Variants in KSR1 observed in about 807,000 individuals in gnomAD.
KSR1 encodes the protein kinase suppressor of ras.
Under a neutral mutation model 92.9 loss-of-function variants are expected in KSR1, and 35 were observed. The observed-to-expected ratio is 0.38, with a 90% CI of 0.29 to 0.50. KSR1 has a LOEUF of 0.50. Ranked by LOEUF, KSR1 falls within the 20% of genes least tolerant of loss-of-function variation. The pLI is 0.94. For missense variants in KSR1, 972 were observed against 1,158.5 expected (o/e 0.84, Z 2.34); for synonymous variants, 467 against 472.6 (o/e 0.99, Z 0.15).
At chr17:27,458,108 A>T (rs2019265982) in intron 1 of KSR1, among the ~76,000 whole-genome samples, 2 of 152,234 alleles carry the variant, frequency 1.3e-5, no homozygotes, top group East Asian at 3.8e-4. Context: ...GGAAGAATAC[A>T]GTCAGTGCTG....
chr17:27,515,636 T>C (rs1055430735), intron 1 of KSR1, among the ~76,000 whole-genome samples: 2 of 151,288 alleles, frequency 1.3e-5, no homozygotes, highest in Admixed American at 6.6e-5. Flanking sequence ...TTTTTTTCAT[T>C]TATTCCATTA....
At chr17:27,549,261 T>A (rs1394094998) in intron 1 of KSR1, among the ~76,000 whole-genome samples, 1 of 152,188 alleles carries the variant, frequency 6.6e-6, no homozygotes, top group Non-Finnish European at 1.5e-5. Context: ...GAAGTCACCA[T>A]TAGGAGGCCA....
chr17:27,536,499 T>C (rs1046335564), intron 1 of KSR1, among the ~76,000 whole-genome samples: 4 of 152,268 alleles, frequency 2.6e-5, no homozygotes, highest in African/African-American at 9.6e-5. Flanking sequence ...GTCTTTGGTT[T>C]ATCCACACGC....
At chr17:27,570,471 T>C (rs2072263044) in intron 2 of KSR1, among the ~76,000 whole-genome samples, 1 of 152,206 alleles carries the variant, frequency 6.6e-6, no homozygotes, top group East Asian at 1.9e-4. Flanking sequence ...CTCTCATCTC[T>C]TTCTCCCCTT....
At chr17:27,614,769 A>T (rs1298392569) in intron 18 of KSR1, among the ~76,000 whole-genome samples, 2 of 152,188 alleles carry the variant, frequency 1.3e-5, no homozygotes, top group African/African-American at 2.4e-5. Context: ...CCAGTGTGGG[A>T]TCAGGGCGTG....
intron 1 of KSR1, among the ~76,000 whole-genome samples, chr17:27,462,298 T>C (rs1306348504): frequency 6.6e-6 from 1 of 152,196 alleles, no homozygotes; most frequent in Admixed American, 6.5e-5. Context: ...TGAGAACTTA[T>C]GTTCAGAACT....
At chr17:27,602,044 C>A in intron 11 of KSR1, 1 of 890,160 alleles carries the variant, frequency 1.1e-6, no homozygotes, top group Non-Finnish European at 1.8e-6. Context: ...CCCTAAAGTG[C>A]TTGAGATCAG....
intron 1 of KSR1, among the ~76,000 whole-genome samples, chr17:27,529,500 G>C (rs2070451232): frequency 6.6e-6 from 1 of 152,252 alleles, no homozygotes; most frequent in African/African-American, 2.4e-5. Flanking sequence ...TTTCTCTGCT[G>C]CCCTCCAGGG....
chr17:27,508,103 A>G (rs2069460680), intron 1 of KSR1, among the ~76,000 whole-genome samples: 1 of 152,134 alleles, frequency 6.6e-6, no homozygotes, highest in Admixed American at 6.5e-5. Flanking sequence ...TGCCCTGGGC[A>G]GTGTTCACTG....
intron 4 of KSR1, chr17:27,584,078 G>A (rs2072878619): frequency 1.5e-6 from 1 of 651,940 alleles, no homozygotes. Context: ...GATTGCCCTT[G>A]TCAGTATACC....
Position 27,526,092 on chromosome 17 carries a change from CTT to C in KSR1, c.232-24474_232-24473del, listed in dbSNP as rs138277923. ...TTTCTCTTTCTTTCTTTCTTTCTTT[CTT>C]TCTCTCTCTCTCTCTCTCTCTCTCA... On this transcript the variant is annotated intron_variant, in intron 1 of 20. Coordinates refer to ENST00000644974, the MANE Select transcript of KSR1 (RefSeq NM_001394583.1). Among the ~76,000 whole-genome samples the C allele has an allele frequency of 2.4e-4, 17 of 71,286 alleles. 1 individual carries two copies. The highest frequency in any genetic ancestry group is 7.1e-4 in the East Asian group (3 of 4,196). The allele number at this position is 71,286 out of a possible 152,430, so 46.8% of individuals were successfully genotyped here. A position where few individuals can be genotyped will look rare whatever the true frequency, so the allele number is the denominator to read the frequency against.
At position 27,533,726 on chromosome 17, in the gene KSR1, T is replaced by C. The variant is rs1282277690; in HGVS notation, c.232-16842T>C. ...AAAAGATTTCTGATCTGCCGTTGAA[T>C]CTATGGATGCAGAACCCACAGATCC... On this transcript the variant is annotated intron_variant, in intron 1 of 20. Transcript: ENST00000644974. Among the ~76,000 whole-genome samples, 4 of 152,120 alleles carry C rather than the reference T, an allele frequency of 2.6e-5. No homozygotes were observed. The East Asian group carries it at 7.7e-4, about 29-fold the overall frequency.
chr17:27,458,721 T>C (rs1228935548), intron 1 of KSR1, among the ~76,000 whole-genome samples: 1 of 152,156 alleles, frequency 6.6e-6, no homozygotes, highest in African/African-American at 2.4e-5. Flanking sequence ...CCCACCGTGA[T>C]GTGGATTCGG....
At chr17:27,557,202 G>T (rs1372293031) in intron 2 of KSR1, among the ~76,000 whole-genome samples, 1 of 152,192 alleles carries the variant, frequency 6.6e-6, no homozygotes, top group African/African-American at 2.4e-5. Context: ...ACCCCTCTCT[G>T]CCTGACCCTG....
rs1173436039 is a variant in KSR1, at chr17:27,624,506, G to C, written c.*1114G>C. ...CCTACCTAGCTGGCCCCCATCTGCA[G>C]AGCCTTCCTTAGCACCATTAGGCCT... On this transcript the variant is annotated 3_prime_UTR_variant, in exon 21 of 21. Transcript: ENST00000644974. The C allele has an allele frequency of 6.6e-6, 1 of 152,210 alleles. No individual in the cohort carries two copies. The allele number at this position is 152,210 out of a possible 1,614,324, so 9.4% of individuals were successfully genotyped here.
intron 2 of KSR1, among the ~76,000 whole-genome samples, chr17:27,555,226 G>A (rs1177860951): frequency 6.6e-6 from 1 of 152,156 alleles, no homozygotes; most frequent in East Asian, 1.9e-4. Flanking sequence ...GGATTGGGGG[G>A]TATGAGGGGT....
chr17:27,531,984 A>G (rs1056949190), intron 1 of KSR1, among the ~76,000 whole-genome samples: 36 of 152,216 alleles, frequency 2.4e-4, no homozygotes, highest in African/African-American at 8.7e-4. Flanking sequence ...TATGGGGGAA[A>G]GAGTGCTGGA....
chr17:27,481,748 T>TCCA (rs2068516934), intron 1 of KSR1, among the ~76,000 whole-genome samples: 1 of 152,250 alleles, frequency 6.6e-6, no homozygotes, highest in African/African-American at 2.4e-5. Context: ...TCTGGGATTT[T>TCCA]AGTGTACCCA....
chr17:27,524,283 G>A (rs550041698), intron 1 of KSR1, among the ~76,000 whole-genome samples: 2 of 152,148 alleles, frequency 1.3e-5, no homozygotes, highest in East Asian at 3.9e-4. Flanking sequence ...GGGTGGGAGT[G>A]AGAACATGGA....
Sources: gnomAD v4.1 joint callset for allele counts (sites outside exome capture counted in the v4.1 genomes callset) on GRCh38, gnomAD v4.1.1 for gene constraint, MANE v1.5 for transcripts, NCBI Gene and HGNC (gene_info 2026-07-23, HGNC 2026-07-21) for gene names.